LDLRAD3: variants seen among roughly 807,000 people sequenced by gnomAD.
LDLRAD3 encodes the protein low density lipoprotein receptor class A domain containing 3, also known as low-density lipoprotein receptor class A domain-containing protein 3.
LDLRAD3 carries 20 observed loss-of-function variants against 29.4 expected under a neutral mutation model. That is an observed-to-expected ratio of 0.68 (90% CI 0.48 to 0.99). The LOEUF (loss-of-function observed/expected upper bound fraction) is 0.99. Ranked by LOEUF, LDLRAD3 falls within the 50% of genes least tolerant of loss-of-function variation. The pLI is 0.00. For missense variants in LDLRAD3, 420 were observed against 454.3 expected, an observed-to-expected ratio of 0.92 and a Z score of 0.69; for synonymous variants, 157 against 192.7, an observed-to-expected ratio of 0.81 and a Z score of 1.53.
chr11:36,056,459 C>T (rs541886361), intron 2 of LDLRAD3, among the ~76,000 whole-genome samples: 1 of 152,234 alleles, frequency 6.6e-6, no homozygotes, highest in Admixed American at 6.5e-5. Flanking sequence ...GGCTGAGGCA[C>T]TTGGGTGGCC....
intron 2 of LDLRAD3, among the ~76,000 whole-genome samples, chr11:36,047,751 G>A (rs1852471541): frequency 6.6e-6 from 1 of 152,152 alleles, no homozygotes; most frequent in South Asian, 2.1e-4. Flanking sequence ...AAGGTACTTG[G>A]CCTCAGTTTC....
rs914082370 is a variant in LDLRAD3, at chr11:35,944,121, G to A, written c.23G>A (p.Cys8Tyr). 4 of 1,061,500 alleles carry A rather than the reference G, an allele frequency of 3.8e-6. No homozygotes were observed. Among genetic ancestry groups the A allele is most frequent in the African/African-American group, 1.7e-5 (1 of 58,778 alleles). 65.8% of individuals were successfully genotyped at this position (1,061,500 alleles called of 1,614,324 possible). A position where few individuals can be genotyped will look rare whatever the true frequency, so the allele number is the denominator to read the frequency against. ...GCCATGTGGCTGCTGGGGCCGCTGT[G>A]CCTGCTGCTGAGCAGCGCCGCGGGT... is the stretch of plus-strand genomic sequence containing the variant. MWLLGPL[C>Y]LLLSSAAESQ... is the part of the protein sequence containing the mutation. Residue 8 changes from cysteine (C) to tyrosine (Y), a missense_variant, in exon 1 of 6, where the codon TGC becomes TAC. Transcript: ENST00000315571. The surrounding 1 kb of genome is among the most constrained non-coding windows in gnomAD (Gnocchi z 4.9).
intron 4 of LDLRAD3, among the ~76,000 whole-genome samples, 170 bp downstream of exon 4, chr11:36,098,631 C>T (rs1183213841): frequency 6.6e-6 from 1 of 152,212 alleles, no homozygotes; most frequent in East Asian, 1.9e-4. Flanking sequence ...GTTTACGTGG[C>T]TTTAACTACA....
intron 4 of LDLRAD3, among the ~76,000 whole-genome samples, chr11:36,212,848 C>T (rs1227190952): frequency 6.6e-6 from 1 of 152,158 alleles, no homozygotes; most frequent in African/African-American, 2.4e-5. Context: ...GTTGGCTGTT[C>T]AGTAGCACTT....
At chr11:36,084,325 A>G (rs181859441) in intron 3 of LDLRAD3, among the ~76,000 whole-genome samples, 22 of 152,302 alleles carry the variant, frequency 1.4e-4, no homozygotes, top group African/African-American at 5.3e-4. Context: ...ATTTAAAAAT[A>G]GTGGTTCTGA....
chr11:36,201,509 CAA>C (rs1490935378), intron 4 of LDLRAD3, among the ~76,000 whole-genome samples: 2 of 152,006 alleles, frequency 1.3e-5, no homozygotes, highest in Non-Finnish European at 2.9e-5. Context: ...TTTGAAAGGA[CAA>C]AGTGTAAAAT....
intron 4 of LDLRAD3, among the ~76,000 whole-genome samples, chr11:36,204,386 G>C (rs933529019): frequency 2.0e-5 from 3 of 152,172 alleles, no homozygotes; most frequent in African/African-American, 7.2e-5. Flanking sequence ...TGGCCAAACA[G>C]TTCCAGGCTT....
intron 2 of LDLRAD3, among the ~76,000 whole-genome samples, chr11:36,054,788 G>C (rs1394980122): frequency 7.6e-6 from 1 of 131,434 alleles, no homozygotes; most frequent in Non-Finnish European, 1.5e-5. Flanking sequence ...GATGGATGAT[G>C]GGTACATGGA....
At chr11:36,102,649 C>A (rs1961758) in intron 4 of LDLRAD3, among the ~76,000 whole-genome samples, 10,756 of 152,160 alleles carry the variant, frequency 0.071, 472 homozygotes, top group Non-Finnish European at 0.09. Context: ...GTATTAGAGA[C>A]CAAAGAAGGT....
At chr11:36,098,661 T>C (rs1853400518) in intron 4 of LDLRAD3, among the ~76,000 whole-genome samples, 200 bp downstream of exon 4, 1 of 152,236 alleles carries the variant, frequency 6.6e-6, no homozygotes, top group Admixed American at 6.5e-5. Context: ...CCATTTTGAA[T>C]TTTGTATTGT....
chr11:36,049,304 C>T (rs1262895603), intron 2 of LDLRAD3, among the ~76,000 whole-genome samples: 2 of 152,118 alleles, frequency 1.3e-5, no homozygotes, highest in African/African-American at 4.8e-5. Flanking sequence ...TGCAGACTTG[C>T]ACTTTTATCT....
chr11:36,223,514 A>C (rs1855457310), intron 4 of LDLRAD3, among the ~76,000 whole-genome samples: 1 of 152,122 alleles, frequency 6.6e-6, no homozygotes, highest in South Asian at 2.1e-4. Context: ...AGATTACTTG[A>C]GCCCAGGAGT....
chr11:35,947,764 C>G (rs745929738), intron 1 of LDLRAD3, among the ~76,000 whole-genome samples: 3 of 152,280 alleles, frequency 2.0e-5, no homozygotes, highest in Non-Finnish European at 4.4e-5. Flanking sequence ...CTCTTTGCCC[C>G]CTACCTGGGC....
rs117034299 is a variant in LDLRAD3, at chr11:36,084,439, C to T, written c.319+2661C>T. ...TTCAAGGTCAGCCTGGGTAACATAG[C>T]AAGACCCCATCCCTATAAAAATAAA... On this transcript the variant is annotated intron_variant, in intron 3 of 5. Transcript: ENST00000315571. 5.3e-5 allele frequency among the ~76,000 whole-genome samples: 8 copies of T among 152,194 alleles called. No individual in the cohort carries two copies. The East Asian group carries it at 9.6e-4, about 18-fold the overall frequency.
chr11:36,187,856 G>A (rs762596143), intron 4 of LDLRAD3, among the ~76,000 whole-genome samples: 2 of 152,168 alleles, frequency 1.3e-5, no homozygotes, highest in Non-Finnish European at 2.9e-5. Flanking sequence ...GACAGGCCAA[G>A]ATAACGTTAG....
chr11:36,202,571 TCTGTGTG>T (rs1214690635), intron 4 of LDLRAD3, among the ~76,000 whole-genome samples: 2 of 152,184 alleles, frequency 1.3e-5, no homozygotes, highest in African/African-American at 4.8e-5. Flanking sequence ...GATCCTGAGA[TCTGTGTG>T]CTGTGTGCCA....
intron 1 of LDLRAD3, among the ~76,000 whole-genome samples, chr11:35,987,233 T>C (rs148088046): frequency 1.3e-4 from 20 of 152,324 alleles, no homozygotes; most frequent in South Asian, 2.1e-4. Flanking sequence ...TGCATATTTT[T>C]AGGGATCATC....
At chr11:36,019,125 G>A (rs1852059817) in intron 1 of LDLRAD3, among the ~76,000 whole-genome samples, 1 of 152,112 alleles carries the variant, frequency 6.6e-6, no homozygotes, top group Non-Finnish European at 1.5e-5. Flanking sequence ...GGAGAGTCCG[G>A]CTGTCTGTAA....
At chr11:36,209,265 A>G (rs1238281162) in intron 4 of LDLRAD3, among the ~76,000 whole-genome samples, 1 of 152,096 alleles carries the variant, frequency 6.6e-6, no homozygotes, top group Non-Finnish European at 1.5e-5. Flanking sequence ...CAGTTGTTCC[A>G]AGGTTAACTC....
Sources: gnomAD v4.1 joint callset for allele counts (sites outside exome capture counted in the v4.1 genomes callset) on GRCh38, gnomAD v4.1.1 for gene constraint, Gnocchi (gnomAD v3.1) non-coding constraint, MANE v1.5 for transcripts, NCBI Gene and HGNC (gene_info 2026-07-23, HGNC 2026-07-21) for gene names.